ZNF223: variants seen among roughly 807,000 people sequenced by gnomAD.
ZNF223 encodes zinc finger protein 223.
In ZNF223, 9 loss-of-function variants were observed where a neutral mutation model predicts 12.3. That is an observed-to-expected ratio of 0.73 (90% CI 0.44 to 1.28). ZNF223 has a LOEUF of 1.28. Ranked by LOEUF, ZNF223 falls within the 50% of genes most tolerant of loss-of-function variation. The probability of loss-of-function intolerance (pLI) is 0.00; values close to 1 mark genes in which losing one functional copy is unlikely to be tolerated. For synonymous variants in ZNF223, 171 were observed against 195.2 expected, an observed-to-expected ratio of 0.88 and a Z score of 1.03; for missense variants, 506 against 579.0, an observed-to-expected ratio of 0.87 and a Z score of 1.29.
intron 2 of ZNF223, among the ~76,000 whole-genome samples, chr19:44,058,987 C>G (rs1040400744): frequency 2.0e-5 from 3 of 152,198 alleles, no homozygotes; most frequent in Non-Finnish European, 4.4e-5. Flanking sequence ...GCTTTCCAGG[C>G]ATGACATTGC....
In ZNF223 at chr19:44,067,965, TTAAA is replaced by T. The variant is rs1976944926; in HGVS notation, c.*695_*698del. The T allele has an allele frequency of 6.5e-6, 1 of 153,450 alleles. No individual in the cohort carries two copies. The highest frequency in any genetic ancestry group is 1.4e-5 in the Non-Finnish European group (1 of 69,048). 9.5% of individuals were successfully genotyped at this position (153,450 alleles called of 1,614,324 possible). On this transcript the variant is annotated 3_prime_UTR_variant, in exon 5 of 5. Coordinates refer to ENST00000434772, the MANE Select transcript of ZNF223 (RefSeq NM_013361.6). ...GAGACCCTGTCTCCAAAAAAAAAAATTAAATAAATACCTTTCTTTGTTTCTAGAC... is the reference window on the plus strand; with the variant it reads ...GAGACCCTGTCTCCAAAAAAAAAAATTAAATACCTTTCTTTGTTTCTAGAC...
At chr19:44,060,959 C>T (rs1305824004) in intron 4 of ZNF223, 118 bp downstream of exon 4, 1 of 1,049,220 alleles carries the variant, frequency 9.5e-7, no homozygotes, top group Admixed American at 2.1e-5. Context: ...ATTATGATAA[C>T]CTCCTTCCAG....
At chr19:44,060,219 G>A (rs540493456) in intron 2 of ZNF223, 2 of 635,860 alleles carry the variant, frequency 3.1e-6, no homozygotes, top group Non-Finnish European at 5.1e-6. Context: ...AACTCAATGA[G>A]TTCACTAAAT....
chr19:44,058,986 G>A (rs1052628812), intron 2 of ZNF223, among the ~76,000 whole-genome samples: 2 of 152,152 alleles, frequency 1.3e-5, no homozygotes, highest in Non-Finnish European at 2.9e-5. Flanking sequence ...AGCTTTCCAG[G>A]CATGACATTG....
chr19:44,055,443 C>T lies in ZNF223; in HGVS notation c.15+252C>T, dbSNP rs1458615344. 4.0e-5 allele frequency among the ~76,000 whole-genome samples: 6 copies of T among 151,742 alleles called. 1 individual carries two copies. Among genetic ancestry groups the T allele is most frequent in the East Asian group, 4.0e-4 (2 of 5,020 alleles). ...TGCTGGGATTATAGGCGTGAGCCAC[C>T]GCACCCAGCCAGAAAGCCTTCATTT... On this transcript the variant is annotated intron_variant, in intron 2 of 4. Coordinates refer to ENST00000434772, the MANE Select transcript of ZNF223 (RefSeq NM_013361.6).
intron 1 of ZNF223, among the ~76,000 whole-genome samples, chr19:44,053,665 C>T (rs1976729254): frequency 6.6e-6 from 1 of 152,192 alleles, no homozygotes; most frequent in Non-Finnish European, 1.5e-5. Context: ...TCCTCCTCAG[C>T]ACAGACCCCT....
Position 44,066,632 on chromosome 19 carries a change from CTTCA to C in ZNF223, c.810_813del (p.Ile270MetfsTer25). The C allele has an allele frequency of 1.2e-6, 2 of 1,614,132 alleles. No homozygotes were observed. The highest frequency in any genetic ancestry group is 1.6e-4 in the Middle Eastern group (1 of 6,062). The stretch of plus-strand genomic sequence containing the variant: ...ATAATTGTGAGGCATGTGGGAGGGC[CTTCA>C]TTCATGATTTCCAGCTTCAGAAACA... On this transcript the variant is annotated frameshift_variant, in exon 5 of 5. Coordinates refer to ENST00000434772, the MANE Select transcript of ZNF223 (RefSeq NM_013361.6). LOFTEE classifies it low-confidence loss of function (END_TRUNC).
chr19:44,064,541 G>A (rs76924165), intron 4 of ZNF223, among the ~76,000 whole-genome samples: 1 of 152,230 alleles, frequency 6.6e-6, no homozygotes, highest in East Asian at 1.9e-4. Flanking sequence ...ACATTCTAAG[G>A]TGTTTGATGT....
chr19:44,056,272 T>G (rs1303314150), intron 2 of ZNF223, among the ~76,000 whole-genome samples: 1 of 150,834 alleles, frequency 6.6e-6, no homozygotes. Flanking sequence ...TCCCAGCACT[T>G]TTTCGGAGGC....
At chr19:44,061,103 A>G (rs1220414611) in intron 4 of ZNF223, among the ~76,000 whole-genome samples, 1 of 152,126 alleles carries the variant, frequency 6.6e-6, no homozygotes, top group African/African-American at 2.4e-5. Flanking sequence ...ATTTTATGAA[A>G]GCCTCTTTAA....
intron 4 of ZNF223, chr19:44,063,306 T>G (rs1223956627): frequency 6.6e-6 from 1 of 152,252 alleles, no homozygotes; most frequent in Non-Finnish European, 1.5e-5. Context: ...CCGGAGCAAA[T>G]GAATGCTGGA....
chr19:44,061,449 A>G (rs940537761), intron 4 of ZNF223, among the ~76,000 whole-genome samples: 1 of 152,186 alleles, frequency 6.6e-6, no homozygotes, highest in Admixed American at 6.5e-5. Context: ...GACACTGTCC[A>G]CACTCCGTGG....
upstream of ZNF223, chr19:44,051,932 A>G (rs1030771343): frequency 1.3e-5 from 2 of 152,174 alleles, no homozygotes; most frequent in Non-Finnish European, 2.9e-5. Context: ...TAGTCCAGAC[A>G]CTCTGCGGAG....
chr19:44,054,127 T>C (rs1325088634), intron 1 of ZNF223, among the ~76,000 whole-genome samples: 5 of 152,082 alleles, frequency 3.3e-5, no homozygotes, highest in South Asian at 4.1e-4. Context: ...GTTTAGATTA[T>C]ACATTGTTGG....
chr19:44,059,084 G>C (rs11083737), intron 2 of ZNF223, among the ~76,000 whole-genome samples: 121,293 of 152,126 alleles, frequency 0.8, 49,035 homozygotes, highest in Non-Finnish European at 0.87. Context: ...CCTTGTTTGG[G>C]TGTTCTGTGA....
At chr19:44,063,284 C>G (rs1157537171) in intron 4 of ZNF223, 1 of 152,284 alleles carries the variant, frequency 6.6e-6, no homozygotes. Context: ...TGCAAGCGAG[C>G]AAGTGCAGGA....
In ZNF223 at chr19:44,066,780, A is replaced by C. The variant is rs201900347; in HGVS notation, c.952A>C (p.Thr318Pro). Residue 318 changes from threonine to proline, a missense_variant, in exon 5 of 5, where the codon ACT becomes CCT. By Grantham distance (38) the Thr-to-Pro change is conservative. Coordinates refer to ENST00000434772, the MANE Select transcript of ZNF223 (RefSeq NM_013361.6). ...VVHTGKKPNS[T>P]GEYGKGFIRR... ...CCACACAGGAAAGAAACCAAACAGC[A>C]CTGGGGAATATGGAAAAGGCTTCAT... 20 of 1,614,162 alleles carry C rather than the reference A, an allele frequency of 1.2e-5. No homozygotes were observed. In the East Asian group the frequency reaches 3.8e-4, roughly 31 times the overall value.
At chr19:44,060,869 G>C (rs373630924) in intron 4 of ZNF223, 28 bp downstream of exon 4, 100 of 1,589,022 alleles carry the variant, frequency 6.3e-5, no homozygotes, top group Non-Finnish European at 7.9e-5. Context: ...GTGTGTCCTT[G>C]TTTGTGACTT....
chr19:44,058,259 G>C (rs1976794553), intron 2 of ZNF223, among the ~76,000 whole-genome samples: 1 of 152,300 alleles, frequency 6.6e-6, no homozygotes, highest in East Asian at 1.9e-4. Flanking sequence ...CTGTCCTGCA[G>C]TCCATCCCCT....
Sources: gnomAD v4.1 joint callset for allele counts (sites outside exome capture counted in the v4.1 genomes callset) on GRCh38, gnomAD v4.1.1 for gene constraint, MANE v1.5 for transcripts, NCBI Gene and HGNC (gene_info 2026-07-23, HGNC 2026-07-21) for gene names.